The following PRIM2 variants were observed in gnomAD, a reference collection of about 807,000 sequenced individuals.
PRIM2 encodes the protein DNA primase large subunit.
In PRIM2, 39 loss-of-function variants were observed where a neutral mutation model predicts 67.3. The ratio of observed to expected loss-of-function variants is 0.58; its 90% CI spans 0.45 to 0.76. The LOEUF (loss-of-function observed/expected upper bound fraction) is 0.76, where lower values mean the gene tolerates loss of function less well. Among genes scored for constraint, PRIM2 ranks in the 30% least tolerant of loss-of-function variants. The pLI is 0.00. For synonymous variants in PRIM2, 143 were observed against 198.7 expected, an observed-to-expected ratio of 0.72 and a Z score of 2.36; for missense variants, 398 against 598.7, an observed-to-expected ratio of 0.66 and a Z score of 3.50.
At chr6:57,327,941 A>G (rs765290804) in intron 5 of PRIM2, among the ~76,000 whole-genome samples, 1 of 152,170 alleles carries the variant, frequency 6.6e-6, no homozygotes, top group African/African-American at 2.4e-5. Flanking sequence ...TCATTAGATT[A>G]TCATAAGGAG....
Position 57,324,213 on chromosome 6 carries a change from G to C in PRIM2, c.271G>C (p.Asp91His). 1 of 1,592,748 alleles carries C rather than the reference G, an allele frequency of 6.3e-7. No homozygotes were observed. The highest frequency in any genetic ancestry group is 8.6e-7 in the Non-Finnish European group (1 of 1,163,692). Reference protein sequence around the residue: ...LKFSYRENLEDEYEPRRRDHI... With the variant: ...LKFSYRENLEHEYEPRRRDHI... ...CATTATTTTTAAGGAAAACTTAGAA[G>C]ATGAATATGAACCACGAAGAAGAGA... The change falls in exon 4 of 14, where the codon GAT becomes CAT. Residue 91 changes from aspartate to histidine, a missense_variant. Asp to His is a moderately conservative substitution (Grantham distance 81, BLOSUM62 -1). Transcript: ENST00000615550.
the PRIM2 span, among the ~76,000 whole-genome samples, chr6:57,272,934 G>T: frequency 1.4e-4 from 22 of 152,256 alleles, 1 homozygote; most frequent in African/African-American, 1.9e-4. Context: ...TTCTTTTCTT[G>T]AAGAATGTTA....
intron 7 of PRIM2, among the ~76,000 whole-genome samples, chr6:57,419,351 G>GTGTCC (rs1475863751): frequency 6.6e-6 from 1 of 152,160 alleles, no homozygotes; most frequent in Non-Finnish European, 1.5e-5. Context: ...GTTGGTTTTG[G>GTGTCC]TGTCCAATAG....
intron 10 of PRIM2, among the ~76,000 whole-genome samples, chr6:57,575,787 G>A (rs1480636629): frequency 4.5e-4 from 69 of 151,798 alleles, no homozygotes; most frequent in African/African-American, 1.7e-3. Context: ...TTGTTTGTTT[G>A]TTTGTTTTGA....
chr6:57,505,397 G>T (rs1774229737), intron 7 of PRIM2: 1 of 152,178 alleles, frequency 6.6e-6, no homozygotes, highest in African/African-American at 2.4e-5. Context: ...CAGAAAACTG[G>T]AGCTATGGAA....
chr6:57,470,188 T>G (rs1290813656), intron 7 of PRIM2, among the ~76,000 whole-genome samples: 4 of 151,930 alleles, frequency 2.6e-5, no homozygotes, highest in African/African-American at 9.7e-5. Context: ...AATTTAAATT[T>G]CCCCCCAATC....
At chr6:57,574,404 T>C (rs1355681443) in intron 10 of PRIM2, among the ~76,000 whole-genome samples, 3 of 152,192 alleles carry the variant, frequency 2.0e-5, no homozygotes, top group African/African-American at 7.2e-5. Flanking sequence ...ACACTTTCCT[T>C]GCTTGTTTGT....
At chr6:57,399,937 A>T (rs1051659239) in intron 7 of PRIM2, among the ~76,000 whole-genome samples, 2 of 151,932 alleles carry the variant, frequency 1.3e-5, no homozygotes, top group African/African-American at 4.8e-5. Flanking sequence ...TAGATTCTGG[A>T]TATTAGCCCT....
At chr6:57,323,869 T>G (rs1202811075) in intron 3 of PRIM2, among the ~76,000 whole-genome samples, 1 of 152,090 alleles carries the variant, frequency 6.6e-6, no homozygotes, top group Non-Finnish European at 1.5e-5. Context: ...AGTAGGAGTC[T>G]TGAAACCAGG....
In PRIM2 at chr6:57,507,270, C is replaced by G. The variant is rs1554347280; in HGVS notation, c.694-117C>G. The G allele has an allele frequency of 3.6e-6, 3 of 825,976 alleles. No homozygotes were observed. The South Asian group carries it at 6.6e-5, about 18-fold the overall frequency. 51.2% of individuals were successfully genotyped at this position (825,976 alleles called of 1,614,324 possible). A position where few individuals can be genotyped will look rare whatever the true frequency, so the allele number is the denominator to read the frequency against. ...TGATTTGAAAAAAGAGAAATAGAAC[C>G]TTATATTTTTAAGTATTGCCTCCCT... is the stretch of plus-strand genomic sequence containing the variant. On this transcript the variant is annotated intron_variant, in intron 7 of 13. Coordinates refer to ENST00000615550, the MANE Select transcript of PRIM2 (RefSeq NM_000947.5).
intron 10 of PRIM2, among the ~76,000 whole-genome samples, chr6:57,593,826 A>G (rs1776322374): frequency 6.6e-6 from 1 of 152,204 alleles, no homozygotes; most frequent in Non-Finnish European, 1.5e-5. Context: ...TCTTGTTTCC[A>G]GTAGGCTTGG....
At chr6:57,227,627 G>C in the PRIM2 span, among the ~76,000 whole-genome samples, 1 of 131,278 alleles carries the variant, frequency 7.6e-6, no homozygotes, top group Non-Finnish European at 1.5e-5. Flanking sequence ...CTCAGCCACA[G>C]GGTGAGACCA....
At chr6:57,573,367 T>C (rs1775897334) in intron 10 of PRIM2, among the ~76,000 whole-genome samples, 1 of 152,330 alleles carries the variant, frequency 6.6e-6, no homozygotes, top group South Asian at 2.1e-4. Flanking sequence ...ATCCTAGAAG[T>C]TGTCCTATCA....
At chr6:57,489,473 C>T (rs866782961) in intron 7 of PRIM2, among the ~76,000 whole-genome samples, 8 of 152,324 alleles carry the variant, frequency 5.3e-5, no homozygotes, top group African/African-American at 7.2e-5. Flanking sequence ...AGGAGAATGG[C>T]GTGAACCCGG....
intron 10 of PRIM2, among the ~76,000 whole-genome samples, chr6:57,570,413 A>C (rs1267813508): frequency 1.5e-4 from 23 of 152,242 alleles, no homozygotes; most frequent in African/African-American, 4.8e-4. Flanking sequence ...TTTTAGAATT[A>C]ATGAACTTGA....
At chr6:57,565,204 A>G (rs1581993259) in intron 10 of PRIM2, among the ~76,000 whole-genome samples, 1 of 151,588 alleles carries the variant, frequency 6.6e-6, no homozygotes, top group Non-Finnish European at 1.5e-5. Context: ...TTCCAAATGT[A>G]TACAAATACA....
chr6:57,500,859 C>CTAAA (rs1363781459), intron 7 of PRIM2, among the ~76,000 whole-genome samples: 12,465 of 152,128 alleles, frequency 0.082, 1,123 homozygotes, highest in African/African-American at 0.23. Context: ...GAGAGATAAG[C>CTAAA]TAAAGTCTAA....
chr6:57,533,330 A>G (rs1285623641), intron 9 of PRIM2, among the ~76,000 whole-genome samples: 7 of 152,214 alleles, frequency 4.6e-5, no homozygotes, highest in African/African-American at 1.4e-4. Flanking sequence ...ATCTTGGGTT[A>G]GACAACTACC....
chr6:57,268,993 A>G, the PRIM2 span, among the ~76,000 whole-genome samples: 1 of 151,488 alleles, frequency 6.6e-6, no homozygotes, highest in African/African-American at 2.4e-5. Context: ...ATAGTATTCC[A>G]TGGTGTATAT....
Sources: gnomAD v4.1 joint callset for allele counts (sites outside exome capture counted in the v4.1 genomes callset) on GRCh38, gnomAD v4.1.1 for gene constraint, MANE v1.5 for transcripts, NCBI Gene and HGNC (gene_info 2026-07-23, HGNC 2026-07-21) for gene names.